Variants in IGSF10 observed in about 807,000 individuals in gnomAD.
IGSF10 encodes the protein calvaria mechanical force protein 608.
A neutral mutation model predicts 128.2 loss-of-function variants in IGSF10; 126 were observed. The observed-to-expected ratio is 0.98, with a 90% confidence interval of 0.85 to 1.14. The LOEUF (loss-of-function observed/expected upper bound fraction) is 1.14, where lower values mean the gene tolerates loss of function less well. Ranked by LOEUF, IGSF10 falls within the 50% of genes most tolerant of loss-of-function variation. The pLI is 0.00. For synonymous variants in IGSF10, 1,185 were observed against 1,146.2 expected, an observed-to-expected ratio of 1.03 and a Z score of -0.68; for missense variants, 3,295 against 3,149.8, an observed-to-expected ratio of 1.05 and a Z score of -1.10.
rs1720198681 is a variant in IGSF10, at chr3:151,436,303, T to TTGTC, written c.*382_*385dup. 1 of 160,422 alleles carries TTGTC rather than the reference T, an allele frequency of 6.2e-6. No individual in the cohort carries two copies. Among genetic ancestry groups the TTGTC allele is most frequent in the Non-Finnish European group, 1.4e-5 (1 of 72,884 alleles). 9.9% of individuals were successfully genotyped at this position (160,422 alleles called of 1,614,324 possible). A position where few individuals can be genotyped will look rare whatever the true frequency, so the allele number is the denominator to read the frequency against. Reference sequence around the variant, plus strand: ...AAGATTGCAGATTTAATATTTTCCATTGTCTCTGTTCTGAGTGCCATGCTT... The same window carrying TTGTC: ...AAGATTGCAGATTTAATATTTTCCATTGTCTGTCTCTGTTCTGAGTGCCATGCTT... On this transcript the variant is annotated 3_prime_UTR_variant, in exon 8 of 8. Transcript: ENST00000282466.
the IGSF10 span, among the ~76,000 whole-genome samples, chr3:151,502,913 G>C: frequency 6.6e-6 from 1 of 152,018 alleles, no homozygotes. Context: ...CTTCTATTTT[G>C]AAAGGCTTTT....
chr3:151,467,663 T>A, the IGSF10 span, among the ~76,000 whole-genome samples: 1 of 152,112 alleles, frequency 6.6e-6, no homozygotes, highest in South Asian at 2.1e-4. Flanking sequence ...GGTGGGTGGA[T>A]CACGAGGTCA....
chr3:151,459,328 A>G (rs1304026106), intron 2 of IGSF10, among the ~76,000 whole-genome samples: 2 of 152,098 alleles, frequency 1.3e-5, no homozygotes, highest in Admixed American at 6.5e-5. Flanking sequence ...TTATCATTTC[A>G]TATATAATGT....
At chr3:151,487,068 C>T in the IGSF10 span, among the ~76,000 whole-genome samples, 1 of 151,258 alleles carries the variant, frequency 6.6e-6, no homozygotes, top group Non-Finnish European at 1.5e-5. Context: ...TAAAGATCAA[C>T]AAAATAGCCT....
the IGSF10 span, among the ~76,000 whole-genome samples, chr3:151,507,210 T>G: frequency 6.6e-6 from 1 of 152,108 alleles, no homozygotes; most frequent in Non-Finnish European, 1.5e-5. Flanking sequence ...GGTTGGATCC[T>G]CCAGGTATAG....
chr3:151,435,353 A>C (rs1323613692), downstream of IGSF10: 1 of 151,472 alleles, frequency 6.6e-6, no homozygotes, highest in Non-Finnish European at 1.5e-5. Flanking sequence ...CATTGCATTT[A>C]CCCTTCTTGG....
the IGSF10 span, among the ~76,000 whole-genome samples, chr3:151,594,419 C>T: frequency 2.7e-5 from 4 of 150,662 alleles, no homozygotes; most frequent in East Asian, 7.8e-4. Flanking sequence ...CTGCAAGCTC[C>T]GCCTCCCGGG....
At chr3:151,460,710 T>C (rs886920190) in intron 1 of IGSF10, among the ~76,000 whole-genome samples, 4 of 152,206 alleles carry the variant, frequency 2.6e-5, no homozygotes, top group Non-Finnish European at 4.4e-5. Flanking sequence ...TCTCCATCTA[T>C]TGATTGTCTT....
chr3:151,552,458 A>G, the IGSF10 span, among the ~76,000 whole-genome samples: 1 of 152,188 alleles, frequency 6.6e-6, no homozygotes, highest in Non-Finnish European at 1.5e-5. Context: ...CAACATCTTA[A>G]GTAAATATGA....
At chr3:151,520,668 G>C in the IGSF10 span, among the ~76,000 whole-genome samples, 4 of 151,640 alleles carry the variant, frequency 2.6e-5, no homozygotes, top group Non-Finnish European at 4.4e-5. Flanking sequence ...ATTTTTTTCA[G>C]ATAAGCAAAT....
chr3:151,616,058 G>C, the IGSF10 span, among the ~76,000 whole-genome samples: 1 of 150,236 alleles, frequency 6.7e-6, no homozygotes. Context: ...TCCGCCTCCT[G>C]GGTTCAAGTG....
At chr3:151,602,928 G>T in the IGSF10 span, among the ~76,000 whole-genome samples, 2,514 of 152,258 alleles carry the variant, frequency 0.017, 39 homozygotes, top group Middle Eastern at 0.034. Flanking sequence ...AGGTGCTCAG[G>T]TAAAGCGGTT....
the IGSF10 span, among the ~76,000 whole-genome samples, chr3:151,548,956 C>T: frequency 1.3e-5 from 2 of 151,814 alleles, no homozygotes; most frequent in Non-Finnish European, 2.9e-5. Context: ...TTTCTCTTTT[C>T]TAAAATGTAT....
intron 7 of IGSF10, chr3:151,440,427 C>A: frequency 8.1e-6 from 3 of 370,150 alleles, no homozygotes; most frequent in South Asian, 2.0e-5. Flanking sequence ...GAAGGAAGTT[C>A]TCTGGCATAT....
the IGSF10 span, among the ~76,000 whole-genome samples, chr3:151,545,558 A>C: frequency 1.3e-5 from 2 of 152,200 alleles, no homozygotes; most frequent in Non-Finnish European, 2.9e-5. Flanking sequence ...CAAGTCCTGA[A>C]GTTCTCTAAG....
the IGSF10 span, among the ~76,000 whole-genome samples, chr3:151,595,187 A>G: frequency 6.6e-6 from 1 of 152,314 alleles, no homozygotes; most frequent in Admixed American, 6.5e-5. Context: ...TAGTACGGAC[A>G]TTATGGAAAA....
the IGSF10 span, among the ~76,000 whole-genome samples, chr3:151,498,893 A>G: frequency 6.6e-6 from 1 of 152,146 alleles, no homozygotes; most frequent in African/African-American, 2.4e-5. Flanking sequence ...ATACAGGATA[A>G]TATTAGTTCA....
At chr3:151,461,394 T>C (rs903592917), upstream of IGSF10, 5 of 985,190 alleles carry the variant, frequency 5.1e-6, no homozygotes, top group African/African-American at 1.7e-5. Flanking sequence ...AAAGTTCTAT[T>C]TGAAGGCTAA....
Position 151,446,184 on chromosome 3 carries a change from G to C in IGSF10, c.3797C>G (p.Thr1266Ser), listed in dbSNP as rs114582530. The change falls in exon 6 of 8, where the codon ACC (threonine) becomes AGC (serine). Residue 1266 changes from threonine (T) to serine (S), a missense_variant. Physicochemically the swap from Thr to Ser is moderately conservative, Grantham distance 58. Transcript: ENST00000282466. Reference protein sequence around the residue: ...STSVMQIPSNTLTTAHHTTTK... With the variant: ...STSVMQIPSNSLTTAHHTTTK... ...CGTAGTGTGGTGAGCGGTAGTCAAG[G>C]TATTAGATGGAATTTGCATCACACT... The C allele has an allele frequency of 2.7e-3, 4,326 of 1,614,006 alleles. 14 individuals are homozygous for C. Among genetic ancestry groups the C allele is most frequent in the Non-Finnish European group, 3.3e-3 (3,951 of 1,179,926 alleles).
Sources: gnomAD v4.1 joint callset for allele counts (sites outside exome capture counted in the v4.1 genomes callset) on GRCh38, gnomAD v4.1.1 for gene constraint, MANE v1.5 for transcripts, NCBI Gene and HGNC (gene_info 2026-07-23, HGNC 2026-07-21) for gene names.